Variants in ZDHHC21 observed in about 807,000 individuals in gnomAD.
ZDHHC21 encodes the protein zDHHC palmitoyltransferase 21.
A neutral mutation model predicts 34.6 loss-of-function variants in ZDHHC21; 15 were observed. That is an observed-to-expected ratio of 0.43 (90% CI 0.29 to 0.67). The LOEUF is 0.67. ZDHHC21 is among the 30% of genes least tolerant of loss of function. The probability of loss-of-function intolerance (pLI) is 0.14; values close to 1 mark genes in which losing one functional copy is unlikely to be tolerated. For synonymous variants in ZDHHC21, 142 were observed against 101.8 expected (o/e 1.40, Z -2.38); for missense variants, 344 against 327.7 (o/e 1.05, Z -0.38).
At chr9:14,665,433 T>C (rs1251162915) in intron 5 of ZDHHC21, among the ~76,000 whole-genome samples, 2 of 146,954 alleles carry the variant, frequency 1.4e-5, no homozygotes. Flanking sequence ...TGCAGGATAT[T>C]ATCCAGGAGA....
intron 8 of ZDHHC21, among the ~76,000 whole-genome samples, chr9:14,638,287 A>T (rs1245523617): frequency 1.3e-5 from 2 of 152,040 alleles, no homozygotes; most frequent in Non-Finnish European, 2.9e-5. Flanking sequence ...GGGGGAAAAA[A>T]ACAGTCTTTT....
At chr9:14,655,020 A>C (rs1341990632) in intron 7 of ZDHHC21, among the ~76,000 whole-genome samples, 1 of 152,038 alleles carries the variant, frequency 6.6e-6, no homozygotes. Flanking sequence ...TAAACTCTCC[A>C]ACAGAAAAAA....
chr9:14,596,681 C>A, the ZDHHC21 span, among the ~76,000 whole-genome samples: 1 of 152,060 alleles, frequency 6.6e-6, no homozygotes, highest in Non-Finnish European at 1.5e-5. Flanking sequence ...GGAAATTGCA[C>A]TGGAACTCTC....
intron 1 of ZDHHC21, among the ~76,000 whole-genome samples, chr9:14,692,876 G>C (rs140175665): frequency 8.5e-4 from 128 of 149,976 alleles, no homozygotes; most frequent in African/African-American, 2.8e-3. Context: ...GTTTACAAGC[G>C]AGAAACTCAG....
At chr9:14,610,420 A>G (rs533641762), downstream of ZDHHC21, among the ~76,000 whole-genome samples, 1 of 152,118 alleles carries the variant, frequency 6.6e-6, no homozygotes, top group African/African-American at 2.4e-5. Context: ...ATAAAGCAAA[A>G]TTTATAGTTT....
chr9:14,637,824 G>T (rs1828577643), intron 8 of ZDHHC21, among the ~76,000 whole-genome samples: 1 of 151,932 alleles, frequency 6.6e-6, no homozygotes, highest in Non-Finnish European at 1.5e-5. Flanking sequence ...ATTTAACCAA[G>T]GAGGTGAAAG....
chr9:14,658,961 T>C, intron 6 of ZDHHC21, 74 bp from the exon 7 acceptor site: 1 of 1,458,336 alleles, frequency 6.9e-7, no homozygotes, highest in Non-Finnish European at 9.3e-7. Flanking sequence ...TAAGACTAAA[T>C]TAAAAACAAA....
Position 14,615,717 on chromosome 9 carries a change from C to T in ZDHHC21, c.*3249G>A, listed in dbSNP as rs1824036836. 1 of 151,484 alleles carries T rather than the reference C, an allele frequency of 6.6e-6. No homozygotes were observed. The highest frequency in any genetic ancestry group is 2.1e-4 in the South Asian group (1 of 4,814). 9.4% of individuals were successfully genotyped at this position (151,484 alleles called of 1,614,324 possible). A position where few individuals can be genotyped will look rare whatever the true frequency, so the allele number is the denominator to read the frequency against. On this transcript the variant is annotated 3_prime_UTR_variant, in exon 10 of 10. Transcript: ENST00000380916. The stretch of plus-strand genomic sequence containing the variant: ...TGAAGCCCATAAACATTTTTGTTTG[C>T]AGAAAACAACAATGACAAATATGAT...
At chr9:14,625,820 T>A (rs12237470) in intron 8 of ZDHHC21, among the ~76,000 whole-genome samples, 3 of 151,872 alleles carry the variant, frequency 2.0e-5, no homozygotes, top group Non-Finnish European at 1.5e-5. Context: ...TATAATCCAG[T>A]TGAAAAAACA....
chr9:14,647,496 G>A (rs1830459897), intron 7 of ZDHHC21, among the ~76,000 whole-genome samples: 4 of 152,092 alleles, frequency 2.6e-5, no homozygotes, highest in South Asian at 4.1e-4. Flanking sequence ...GTCACCTTAT[G>A]AATACCACAT....
intron 2 of ZDHHC21, among the ~76,000 whole-genome samples, chr9:14,687,423 C>T (rs1167340158): frequency 6.6e-6 from 1 of 150,768 alleles, no homozygotes; most frequent in African/African-American, 2.5e-5. Context: ...GTAATCCCAG[C>T]ACTTTAGGAG....
the ZDHHC21 span, among the ~76,000 whole-genome samples, chr9:14,592,382 C>A: frequency 3.9e-5 from 6 of 151,928 alleles, no homozygotes; most frequent in African/African-American, 1.4e-4. Flanking sequence ...ATATTTACTG[C>A]TTCATGAAGG....
chr9:14,601,314 AC>A, the ZDHHC21 span, among the ~76,000 whole-genome samples: 1 of 152,140 alleles, frequency 6.6e-6, no homozygotes, highest in Non-Finnish European at 1.5e-5. Context: ...GAAAAAAACA[AC>A]CCCATCAAAA....
chr9:14,654,425 G>C (rs1186103385), intron 7 of ZDHHC21, among the ~76,000 whole-genome samples: 1 of 151,842 alleles, frequency 6.6e-6, no homozygotes, highest in Non-Finnish European at 1.5e-5. Flanking sequence ...CAAATCTGAG[G>C]AAAGAACACA....
chr9:14,619,786 G>A, intron 8 of ZDHHC21, 104 bp from the exon 9 acceptor site: 2 of 637,974 alleles, frequency 3.1e-6, no homozygotes, highest in Non-Finnish European at 2.3e-6. Flanking sequence ...ATATTCTATA[G>A]ATTTAAACAG....
chr9:14,645,585 C>T (rs1022046693), intron 7 of ZDHHC21, among the ~76,000 whole-genome samples: 3 of 151,812 alleles, frequency 2.0e-5, no homozygotes, highest in Admixed American at 1.3e-4. Flanking sequence ...AAAAATGAAA[C>T]GGTTGATAAG....
chr9:14,658,630 C>G, intron 7 of ZDHHC21, 119 bp downstream of exon 7: 2 of 756,080 alleles, frequency 2.6e-6, no homozygotes, highest in Non-Finnish European at 4.0e-6. Flanking sequence ...CGCCACCTCG[C>G]CCGGCTAATT....
downstream of ZDHHC21, among the ~76,000 whole-genome samples, chr9:14,606,389 A>G (rs1823015985): frequency 6.6e-6 from 1 of 152,312 alleles, no homozygotes; most frequent in South Asian, 2.1e-4. Flanking sequence ...GCCCAAAGTT[A>G]TATGTAGAGG....
chr9:14,679,226 T>C (rs1053613359), intron 3 of ZDHHC21, among the ~76,000 whole-genome samples: 6 of 152,122 alleles, frequency 3.9e-5, no homozygotes, highest in African/African-American at 1.4e-4. Flanking sequence ...CATACTGACA[T>C]CTGCAATTTA....
Sources: allele counts gnomAD v4.1 joint callset (sites outside exome capture counted in the v4.1 genomes callset), GRCh38; gene constraint gnomAD v4.1.1; transcripts MANE v1.5; gene names NCBI Gene and HGNC (gene_info 2026-07-23, HGNC 2026-07-21).